Variants in HSD11B1 observed in about 807,000 individuals in gnomAD.
HSD11B1 encodes the protein hydroxysteroid 11-beta dehydrogenase 1, also known as 11-beta-hydroxysteroid dehydrogenase 1.
Under a neutral mutation model 22.1 loss-of-function variants are expected in HSD11B1, and 15 were observed. The ratio of observed to expected loss-of-function variants is 0.68; its 90% CI spans 0.45 to 1.04. The LOEUF (loss-of-function observed/expected upper bound fraction) is 1.04. Among genes scored for constraint, HSD11B1 ranks in the 50% least tolerant of loss-of-function variants. HSD11B1 has a pLI of 0.00. For missense variants in HSD11B1, 281 were observed against 357.6 expected (o/e 0.79, Z 1.73); for synonymous variants, 122 against 125.2 (o/e 0.97, Z 0.17).
chr1:209,686,466 G>A (rs1326102259), intron 1 of HSD11B1, among the ~76,000 whole-genome samples: 4 of 152,066 alleles, frequency 2.6e-5, no homozygotes, highest in Non-Finnish European at 2.9e-5. Context: ...AAGAAGAAAC[G>A]CCCGATGAGC....
At chr1:209,703,861 T>A (rs2076839517), upstream of HSD11B1, among the ~76,000 whole-genome samples, 1 of 152,200 alleles carries the variant, frequency 6.6e-6, no homozygotes, top group Non-Finnish European at 1.5e-5. Flanking sequence ...TTGAAAAACT[T>A]AACAATGATA....
chr1:209,703,104 A>T (rs2076834859), upstream of HSD11B1, among the ~76,000 whole-genome samples: 2 of 152,144 alleles, frequency 1.3e-5, no homozygotes, highest in South Asian at 4.1e-4. Context: ...TCTGCAGTTT[A>T]TCTTACTCAT....
At chr1:209,730,693 AT>A (rs1052649052) in intron 4 of HSD11B1, among the ~76,000 whole-genome samples, 1 of 152,188 alleles carries the variant, frequency 6.6e-6, no homozygotes. Flanking sequence ...CAAAGAGTTA[AT>A]TTTTTCCAAT....
chr1:209,688,607 G>C (rs2076741666), intron 1 of HSD11B1, among the ~76,000 whole-genome samples: 1 of 152,106 alleles, frequency 6.6e-6, no homozygotes, highest in African/African-American at 2.4e-5. Context: ...GCAATAAAAA[G>C]TCTTGTTTCC....
intron 1 of HSD11B1, among the ~76,000 whole-genome samples, chr1:209,696,164 G>A (rs2076790126): frequency 6.6e-6 from 1 of 152,196 alleles, no homozygotes; most frequent in Non-Finnish European, 1.5e-5. Flanking sequence ...TCTATACATG[G>A]AAATAAAATT....
Position 209,697,884 on chromosome 1 carries a change from CTTTTTTTTTT to C in HSD11B1, c.-48-6990_-48-6981del, listed in dbSNP as rs988076432. On this transcript the variant is annotated intron_variant, in intron 1 of 6. Transcript: ENST00000261465. ...GAATGATTAATGGTTTTGTTTTTTC[CTTTTTTTTTT>C]TTTTTTTTTTTTTTTTTTTTGAGAT... Among the ~76,000 whole-genome samples the C allele has an allele frequency of 9.4e-3, 392 of 41,610 alleles. 2 individuals are homozygous for C. Among genetic ancestry groups the C allele is most frequent in the Non-Finnish European group, 0.014 (317 of 22,406 alleles). 27.3% of individuals were successfully genotyped at this position (41,610 alleles called of 152,430 possible). A position where few individuals can be genotyped will look rare whatever the true frequency, so the allele number is the denominator to read the frequency against.
At chr1:209,718,730 T>C (rs2076945666) in intron 4 of HSD11B1, among the ~76,000 whole-genome samples, 2 of 152,054 alleles carry the variant, frequency 1.3e-5, no homozygotes, top group Non-Finnish European at 2.9e-5. Flanking sequence ...TCTGGGTATA[T>C]ACACAGAAGA....
intron 1 of HSD11B1, among the ~76,000 whole-genome samples, chr1:209,694,824 C>T (rs894614664): frequency 2.0e-5 from 3 of 152,174 alleles, no homozygotes; most frequent in African/African-American, 4.8e-5. Flanking sequence ...ATTTCACAAG[C>T]TTGTTTTAAA....
At chr1:209,709,406 T>C (rs1257330018) in intron 4 of HSD11B1, among the ~76,000 whole-genome samples, 2 of 152,226 alleles carry the variant, frequency 1.3e-5, no homozygotes, top group Non-Finnish European at 2.9e-5. Flanking sequence ...ATTGAGCAAG[T>C]TTCTTGTATG....
At position 209,706,088 on chromosome 1, in the gene HSD11B1, A is replaced by C; in HGVS notation, c.219+147A>C. 775 of 982,548 alleles carry C rather than the reference A, an allele frequency of 7.9e-4. No homozygotes were observed. Among genetic ancestry groups the C allele is most frequent in the Non-Finnish European group, 9.9e-4 (641 of 644,798 alleles). 60.9% of individuals were successfully genotyped at this position (982,548 alleles called of 1,614,324 possible). A position where few individuals can be genotyped will look rare whatever the true frequency, so the allele number is the denominator to read the frequency against. On this transcript the variant is annotated intron_variant, in intron 2 of 5. Transcript: ENST00000367027. The surrounding 1 kb of genome is among the most constrained non-coding windows in gnomAD (Gnocchi z 4.0). ...CACAGACACTTAATTTTGCACTCTC[A>C]TATATAGATTCAAACACCAAAAAAC... is the stretch of plus-strand genomic sequence containing the variant.
At chr1:209,726,741 C>A (rs888873374) in intron 4 of HSD11B1, among the ~76,000 whole-genome samples, 2 of 152,192 alleles carry the variant, frequency 1.3e-5, no homozygotes, top group Non-Finnish European at 2.9e-5. Context: ...TCCTACAAAA[C>A]CATTTAGGAT....
At chr1:209,722,172 T>C (rs1261755365) in intron 4 of HSD11B1, among the ~76,000 whole-genome samples, 1 of 152,212 alleles carries the variant, frequency 6.6e-6, no homozygotes, top group Non-Finnish European at 1.5e-5. Flanking sequence ...ACTCTGAGAC[T>C]TTAGGAAGAA....
intron 1 of HSD11B1, among the ~76,000 whole-genome samples, chr1:209,692,538 G>A (rs903064865): frequency 6.8e-6 from 1 of 146,300 alleles, no homozygotes; most frequent in Non-Finnish European, 1.5e-5. Flanking sequence ...AGGGTGGTCA[G>A]GCACCCCCTG....
chr1:209,707,615 A>G (rs2076868618), intron 4 of HSD11B1, among the ~76,000 whole-genome samples: 1 of 152,156 alleles, frequency 6.6e-6, no homozygotes, highest in East Asian at 1.9e-4. Context: ...AGGATTGGTC[A>G]AGGTAGATGG....
chr1:209,734,548 A>G lies in HSD11B1; in HGVS notation c.*27A>G. 1 of 1,549,360 alleles carries G rather than the reference A, an allele frequency of 6.5e-7. No individual in the cohort carries two copies. The highest frequency in any genetic ancestry group is 8.9e-7 in the Non-Finnish European group (1 of 1,123,632). On this transcript the variant is annotated 3_prime_UTR_variant, in exon 6 of 6. Transcript: ENST00000367027. ...AACTCCCTGAGGGCTGGGCATGCTG[A>G]GGGATTTTGGGACTGTTCTGTCTCA...
intron 4 of HSD11B1, among the ~76,000 whole-genome samples, chr1:209,716,803 G>T (rs2076933171): frequency 6.6e-6 from 1 of 152,192 alleles, no homozygotes; most frequent in African/African-American, 2.4e-5. Flanking sequence ...AACATGCATT[G>T]GGGAAAGGAC....
At chr1:209,704,245 G>A (rs935969223), upstream of HSD11B1, among the ~76,000 whole-genome samples, 4 of 152,074 alleles carry the variant, frequency 2.6e-5, no homozygotes, top group Non-Finnish European at 5.9e-5. Context: ...TTGCCTTAGA[G>A]TCTTGAACCA....
intron 4 of HSD11B1, chr1:209,724,083 A>C (rs1430578105): frequency 6.6e-6 from 1 of 152,406 alleles, no homozygotes; most frequent in Non-Finnish European, 1.5e-5. Flanking sequence ...AAGAGAAGGG[A>C]TGAGTCCTGG....
chr1:209,709,973 C>T (rs1001609311), intron 4 of HSD11B1, among the ~76,000 whole-genome samples: 2 of 147,810 alleles, frequency 1.4e-5, no homozygotes, highest in Non-Finnish European at 3.0e-5. Context: ...CACACACACA[C>T]AAAAGACTCA....
Sources: gnomAD v4.1 joint callset for allele counts (sites outside exome capture counted in the v4.1 genomes callset) on GRCh38, gnomAD v4.1.1 for gene constraint, Gnocchi (gnomAD v3.1) non-coding constraint, MANE v1.5 for transcripts, NCBI Gene and HGNC (gene_info 2026-07-23, HGNC 2026-07-21) for gene names.